Variants in SDK1 observed in about 807,000 individuals in gnomAD.
SDK1 encodes protein sidekick-1.
Under a neutral mutation model 245.5 loss-of-function variants are expected in SDK1, and 157 were observed. That is an observed-to-expected ratio of 0.64 (90% CI 0.56 to 0.73). SDK1 has a LOEUF of 0.73. SDK1 is among the 30% of genes least tolerant of loss of function. The pLI, the probability that SDK1 is intolerant of heterozygous loss-of-function variation, is 0.00. For missense variants in SDK1, 3,583 were observed against 3,002.3 expected (o/e 1.19, Z -4.52); for synonymous variants, 1,647 against 1,278.5 (o/e 1.29, Z -6.15).
At chr7:3,385,626 CTCAG>C (rs991208378) in intron 1 of SDK1, among the ~76,000 whole-genome samples, 1 of 152,112 alleles carries the variant, frequency 6.6e-6, no homozygotes, top group African/African-American at 2.4e-5. Context: ...TATTTCAGCT[CTCAG>C]TCAACCTCTC....
intron 20 of SDK1, among the ~76,000 whole-genome samples, chr7:4,072,624 T>C (rs1780324537): frequency 6.6e-6 from 1 of 152,184 alleles, no homozygotes; most frequent in African/African-American, 2.4e-5. Context: ...AAAGAAAAAC[T>C]GTGTTCGTGG....
intron 4 of SDK1, among the ~76,000 whole-genome samples, chr7:3,695,789 A>G (rs1318923993): frequency 6.6e-6 from 1 of 152,206 alleles, no homozygotes; most frequent in Non-Finnish European, 1.5e-5. Flanking sequence ...CAACCGCTAG[A>G]CGTAGCCTGT....
At chr7:3,978,418 C>T (rs755068892) in intron 13 of SDK1, among the ~76,000 whole-genome samples, 15 of 152,256 alleles carry the variant, frequency 9.9e-5, no homozygotes, top group South Asian at 2.1e-4. Context: ...CTTTCTCTAA[C>T]GGTAAAACAT....
chr7:3,841,950 T>G (rs371614450), intron 5 of SDK1, among the ~76,000 whole-genome samples: 37 of 152,172 alleles, frequency 2.4e-4, no homozygotes, highest in African/African-American at 8.2e-4. Flanking sequence ...ACATGACAGG[T>G]GGCCTCAGAC....
rs1438839774 is a variant in SDK1, at chr7:3,962,738, C to G, written c.1316C>G (p.Ala439Gly). ...RLQNPRYKVL[A>G]SGGLRIQKLR... ...CAGAATCCTCGATACAAAGTGCTCG[C>G]CAGCGGAGGCCTGCGCATCCAGAAG... is the stretch of plus-strand genomic sequence containing the variant. The change falls in exon 9 of 45, where the codon GCC becomes GGC. Residue 439 changes from alanine to glycine, a missense_variant. Transcript: ENST00000404826. The G allele has an allele frequency of 6.2e-7, 1 of 1,613,620 alleles. No homozygotes were observed. The highest frequency in any genetic ancestry group is 1.3e-5 in the African/African-American group (1 of 74,932).
intron 1 of SDK1, among the ~76,000 whole-genome samples, chr7:3,410,580 T>G (rs1212464043): frequency 1.5e-4 from 14 of 95,334 alleles, no homozygotes; most frequent in African/African-American, 8.1e-4. Context: ...AATGATATCT[T>G]TTTTTTTTTT....
At chr7:3,919,024 T>C (rs1410620677) in intron 5 of SDK1, among the ~76,000 whole-genome samples, 1 of 152,236 alleles carries the variant, frequency 6.6e-6, no homozygotes, top group Non-Finnish European at 1.5e-5. Context: ...ATTACTATCA[T>C]TGCTAATATA....
At chr7:3,968,478 C>T (rs1016497947) in intron 10 of SDK1, among the ~76,000 whole-genome samples, 1 of 152,232 alleles carries the variant, frequency 6.6e-6, no homozygotes, top group African/African-American at 2.4e-5. Context: ...GGTACAACCC[C>T]TGCACTCAGA....
At chr7:3,926,746 C>T (rs1264214672) in intron 5 of SDK1, among the ~76,000 whole-genome samples, 2 of 152,186 alleles carry the variant, frequency 1.3e-5, no homozygotes, top group East Asian at 1.9e-4. Context: ...TCTACGACTC[C>T]GTAAGGCACG....
chr7:3,310,288 A>T (rs1205230480), intron 1 of SDK1, among the ~76,000 whole-genome samples: 1 of 152,212 alleles, frequency 6.6e-6, no homozygotes, highest in African/African-American at 2.4e-5. Flanking sequence ...TTTTAAAGTC[A>T]TCTTGAGTGG....
chr7:3,862,231 GA>G (rs1780711359), intron 5 of SDK1, among the ~76,000 whole-genome samples: 1 of 152,212 alleles, frequency 6.6e-6, no homozygotes, highest in South Asian at 2.1e-4. Flanking sequence ...GAAAGTCCCA[GA>G]AAACACTCAG....
At chr7:3,309,916 G>A (rs1337042675) in intron 1 of SDK1, among the ~76,000 whole-genome samples, 1 of 152,176 alleles carries the variant, frequency 6.6e-6, no homozygotes, top group Non-Finnish European at 1.5e-5. Flanking sequence ...ACTCCTGGTT[G>A]CAAGCTAGAA....
intron 4 of SDK1, among the ~76,000 whole-genome samples, chr7:3,648,236 C>T (rs1468377822): frequency 6.6e-6 from 1 of 152,144 alleles, no homozygotes; most frequent in African/African-American, 2.4e-5. Context: ...ACTTCTCTTT[C>T]CTCCACGACG....
chr7:4,083,466 C>G (rs1781194208), intron 22 of SDK1, among the ~76,000 whole-genome samples: 1 of 151,112 alleles, frequency 6.6e-6, no homozygotes, highest in Admixed American at 6.6e-5. Flanking sequence ...GTTCCTCTAC[C>G]CCGTTTGCCC....
chr7:3,483,232 T>C (rs1426308246), intron 1 of SDK1, among the ~76,000 whole-genome samples: 1 of 152,218 alleles, frequency 6.6e-6, no homozygotes, highest in Non-Finnish European at 1.5e-5. Context: ...CATTTCTGAA[T>C]AGAGTATATC....
In SDK1 at chr7:3,385,180, G is replaced by A. The variant is rs188574439; in HGVS notation, c.298+83296G>A. On this transcript the variant is annotated intron_variant, in intron 1 of 44. Coordinates refer to ENST00000404826, the MANE Select transcript of SDK1 (RefSeq NM_152744.4). ...TCACGTCATCTTAGGCAAGTTATGG[G>A]CTTTTTCTGAGCCTCAGTTTTTCTC... is the stretch of plus-strand genomic sequence containing the variant. Among the ~76,000 whole-genome samples, 66 of 152,214 alleles carry A rather than the reference G, an allele frequency of 4.3e-4. 2 individuals carry two copies. The highest frequency in any genetic ancestry group is 8.4e-4 in the Non-Finnish European group (57 of 68,012).
At chr7:3,676,108 G>C (rs1407952015) in intron 4 of SDK1, among the ~76,000 whole-genome samples, 3 of 152,088 alleles carry the variant, frequency 2.0e-5, no homozygotes, top group African/African-American at 7.2e-5. Flanking sequence ...TGGGACTACA[G>C]GTGCATGCCA....
At chr7:3,616,696 A>G (rs1467786711) in intron 1 of SDK1, among the ~76,000 whole-genome samples, 1 of 152,190 alleles carries the variant, frequency 6.6e-6, no homozygotes, top group Non-Finnish European at 1.5e-5. Context: ...ACCAATTATG[A>G]TGGAATATAG....
chr7:3,377,492 C>G (rs55944002), intron 1 of SDK1, among the ~76,000 whole-genome samples: 1 of 151,998 alleles, frequency 6.6e-6, no homozygotes, highest in African/African-American at 2.4e-5. Context: ...TGGGTTCCCC[C>G]CACACTGCTA....
Sources: gnomAD v4.1 joint callset for allele counts (sites outside exome capture counted in the v4.1 genomes callset) on GRCh38, gnomAD v4.1.1 for gene constraint, MANE v1.5 for transcripts, NCBI Gene and HGNC (gene_info 2026-07-23, HGNC 2026-07-21) for gene names.